EXOC6: variants seen among roughly 807,000 people sequenced by gnomAD.
EXOC6 encodes the protein SEC15-like 1.
EXOC6 carries 60 observed loss-of-function variants against 112.5 expected under a neutral mutation model. That is an observed-to-expected ratio of 0.53 (90% CI 0.43 to 0.66). The LOEUF (loss-of-function observed/expected upper bound fraction) is 0.66, where lower values mean the gene tolerates loss of function less well. Ranked by LOEUF, EXOC6 falls within the 30% of genes least tolerant of loss-of-function variation. The probability of loss-of-function intolerance (pLI) is 0.00; values close to 1 mark genes in which losing one functional copy is unlikely to be tolerated. For missense variants in EXOC6, 855 were observed against 957.1 expected, an observed-to-expected ratio of 0.89 and a Z score of 1.41; for synonymous variants, 295 against 308.0, an observed-to-expected ratio of 0.96 and a Z score of 0.44.
chr10:92,999,468 A>C (rs1255017842), intron 19 of EXOC6: 1 of 283,734 alleles, frequency 3.5e-6, no homozygotes, highest in African/African-American at 2.3e-5. Context: ...AGATCATTCC[A>C]GTATGACATT....
At chr10:93,014,442 T>TC (rs1469531025) in intron 20 of EXOC6, among the ~76,000 whole-genome samples, 175 bp downstream of exon 20, 1 of 152,170 alleles carries the variant, frequency 6.6e-6, no homozygotes, top group Non-Finnish European at 1.5e-5. Flanking sequence ...TGTAATGCAT[T>TC]CAGTACCTCA....
intron 18 of EXOC6, among the ~76,000 whole-genome samples, chr10:92,981,983 G>A (rs1842842078): frequency 6.6e-6 from 1 of 152,110 alleles, no homozygotes; most frequent in Admixed American, 6.6e-5. Flanking sequence ...GGGCAGGGTG[G>A]CACATGCCTA....
chr10:92,969,247 A>G (rs1438485883), intron 17 of EXOC6, among the ~76,000 whole-genome samples: 3 of 152,178 alleles, frequency 2.0e-5, no homozygotes, highest in Non-Finnish European at 2.9e-5. Context: ...AGGAAACACT[A>G]AAGTGCTTGG....
At chr10:92,958,661 C>A (rs1853823100) in intron 17 of EXOC6, among the ~76,000 whole-genome samples, 1 of 152,122 alleles carries the variant, frequency 6.6e-6, no homozygotes, top group Non-Finnish European at 1.5e-5. Context: ...CCATTAATAT[C>A]CAAGCAAGTT....
chr10:92,913,119 CT>C (rs759554140), intron 6 of EXOC6, among the ~76,000 whole-genome samples: 2 of 152,196 alleles, frequency 1.3e-5, no homozygotes, highest in Non-Finnish European at 2.9e-5. Flanking sequence ...AGCATTTCAT[CT>C]TTTATTCCAT....
rs1849804298 is a variant in EXOC6, at chr10:92,896,177, ATATATTTTTTTTTTTTTTTTT to A, written c.412+1159_412+1179del. Reference sequence around the variant, plus strand: ...TATATATATATATATATATATATATATATATTTTTTTTTTTTTTTTTTTTTTTTTTTTTTTTTTTTGGCGGA... The same window carrying A: ...TATATATATATATATATATATATATATTTTTTTTTTTTTTTTTTTGGCGGA... On this transcript the variant is annotated intron_variant, in intron 4 of 21. Transcript: ENST00000260762. 9.3e-4 allele frequency among the ~76,000 whole-genome samples: 15 copies of A among 16,156 alleles called. 2 individuals are homozygous for A. The highest frequency in any genetic ancestry group is 6.2e-3 in the South Asian group (2 of 324). The allele number at this position is 16,156 out of a possible 152,430, so 10.6% of individuals were successfully genotyped here.
At chr10:92,863,300 T>C (rs1410793399) in intron 1 of EXOC6, among the ~76,000 whole-genome samples, 1 of 152,216 alleles carries the variant, frequency 6.6e-6, no homozygotes, top group Non-Finnish European at 1.5e-5. Flanking sequence ...CTATAGACAT[T>C]TAATCTAGGA....
chr10:93,033,301 G>A (rs1845356768), intron 20 of EXOC6, among the ~76,000 whole-genome samples: 1 of 152,208 alleles, frequency 6.6e-6, no homozygotes, highest in Non-Finnish European at 1.5e-5. Flanking sequence ...AACTACTGAT[G>A]ATTGGGTTCA....
intron 19 of EXOC6, among the ~76,000 whole-genome samples, chr10:93,006,612 A>G (rs941640489): frequency 1.3e-5 from 2 of 152,234 alleles, no homozygotes; most frequent in African/African-American, 2.4e-5. Context: ...ATTCCCAGGC[A>G]TAAGTTCTTC....
intron 1 of EXOC6, among the ~76,000 whole-genome samples, chr10:92,870,597 A>G (rs564752316): frequency 1.2e-3 from 183 of 152,304 alleles, no homozygotes; most frequent in African/African-American, 4.3e-3. Context: ...ACTTTGGTGC[A>G]CTTTGCACAT....
At chr10:93,025,936 A>G (rs1311534391) in intron 20 of EXOC6, among the ~76,000 whole-genome samples, 6 of 152,204 alleles carry the variant, frequency 3.9e-5, no homozygotes, top group Admixed American at 1.3e-4. Context: ...AACCACTATC[A>G]TGACTTTTAA....
intron 17 of EXOC6, among the ~76,000 whole-genome samples, chr10:92,965,993 C>T (rs1024991661): frequency 2.3e-4 from 35 of 151,874 alleles, no homozygotes; most frequent in African/African-American, 8.0e-4. Flanking sequence ...TATTATAGCC[C>T]GTGGAAAGCA....
At chr10:93,040,424 T>C (rs963486211) in intron 20 of EXOC6, among the ~76,000 whole-genome samples, 1 of 152,150 alleles carries the variant, frequency 6.6e-6, no homozygotes, top group Non-Finnish European at 1.5e-5. Flanking sequence ...ATTTTTTGTA[T>C]TTTTAGTAGA....
intron 19 of EXOC6, among the ~76,000 whole-genome samples, chr10:92,998,628 CCACACA>C (rs55823754): frequency 0.03 from 4,280 of 141,422 alleles, 190 homozygotes; most frequent in African/African-American, 0.1. Flanking sequence ...CTGTTGCACA[CCACACA>C]CACACACACA....
chr10:92,974,100 A>G lies in EXOC6; in HGVS notation c.1821A>G (p.Gln607=), dbSNP rs1842404531. 2.5e-6 allele frequency: 4 copies of G among 1,603,866 alleles called. No homozygotes were observed. The African/African-American group carries it at 5.4e-5, about 22-fold the overall frequency. Reference sequence around the variant, plus strand: ...GAGAAATATATACCAAACTGAATCAAAAAATTGATGAATTTGTTCAGCTTG... The same window carrying G: ...GAGAAATATATACCAAACTGAATCAGAAAATTGATGAATTTGTTCAGCTTG... ...AEGEIYTKLN[Q]KIDEFVQLAD... Residue 607 remains glutamine (Q), a synonymous_variant, in exon 18 of 22, where the codon CAA becomes CAG. Transcript: ENST00000260762.
At chr10:93,048,228 C>T (rs1420826450) in intron 20 of EXOC6, among the ~76,000 whole-genome samples, 2 of 150,262 alleles carry the variant, frequency 1.3e-5, no homozygotes, top group East Asian at 2.0e-4. Flanking sequence ...CAAACCTGCA[C>T]GTTGTACACA....
At chr10:93,025,469 G>A (rs1457501235) in intron 20 of EXOC6, among the ~76,000 whole-genome samples, 7 of 152,168 alleles carry the variant, frequency 4.6e-5, no homozygotes, top group African/African-American at 1.7e-4. Context: ...TAGCTTTGCA[G>A]AGGAATATAA....
In EXOC6 at chr10:92,876,649, C is replaced by T. The variant is rs1190091182; in HGVS notation, c.102-16700C>T. Among the ~76,000 whole-genome samples, 2 of 152,164 alleles carry T rather than the reference C, an allele frequency of 1.3e-5. 1 individual carries two copies. Among genetic ancestry groups the T allele is most frequent in the Non-Finnish European group, 2.9e-5 (2 of 68,018 alleles). On this transcript the variant is annotated intron_variant, in intron 1 of 21. Transcript: ENST00000260762. ...GAAGGGAGGGTCCTGTATGTCCAACCTGTGCTAGGGCAGAGGAGGCTCAGA... is the reference window on the plus strand; with the variant it reads ...GAAGGGAGGGTCCTGTATGTCCAACTTGTGCTAGGGCAGAGGAGGCTCAGA...
chr10:92,923,304 A>G (rs192871845), intron 8 of EXOC6, among the ~76,000 whole-genome samples: 127 of 152,292 alleles, frequency 8.3e-4, no homozygotes, highest in African/African-American at 3.0e-3. Flanking sequence ...TTAGTTTATC[A>G]TTGATCTCAG....
Sources: gnomAD v4.1 joint callset for allele counts (sites outside exome capture counted in the v4.1 genomes callset) on GRCh38, gnomAD v4.1.1 for gene constraint, MANE v1.5 for transcripts, NCBI Gene and HGNC (gene_info 2026-07-23, HGNC 2026-07-21) for gene names.